KCNMA1: variants seen among roughly 807,000 people sequenced by gnomAD.
KCNMA1 encodes potassium calcium-activated channel subfamily M alpha 1.
A neutral mutation model predicts 140.0 loss-of-function variants in KCNMA1; 29 were observed. That is an observed-to-expected ratio of 0.21 (90% CI 0.15 to 0.28). The LOEUF is 0.28. Ranked by LOEUF, KCNMA1 falls within the 10% of genes least tolerant of loss-of-function variation. The pLI, the probability that KCNMA1 is intolerant of heterozygous loss-of-function variation, is 1.00. For synonymous variants in KCNMA1, 612 were observed against 611.9 expected (o/e 1.00, Z 0.00); for missense variants, 880 against 1,602.2 (o/e 0.55, Z 7.70).
At chr10:77,332,229 C>T (rs941860344) in intron 2 of KCNMA1, among the ~76,000 whole-genome samples, 2 of 151,972 alleles carry the variant, frequency 1.3e-5, no homozygotes, top group African/African-American at 4.8e-5. Flanking sequence ...AGGAGTTGGC[C>T]AGGGGATGAG....
At chr10:77,578,856 C>A (rs566505470) in intron 1 of KCNMA1, among the ~76,000 whole-genome samples, 2 of 152,340 alleles carry the variant, frequency 1.3e-5, no homozygotes, top group East Asian at 3.9e-4. Context: ...GTATCTCCCA[C>A]TGGGATGTGA....
intron 1 of KCNMA1, among the ~76,000 whole-genome samples, chr10:77,538,556 A>G (rs1483724217): frequency 1.3e-5 from 2 of 152,164 alleles, no homozygotes; most frequent in Non-Finnish European, 2.9e-5. Flanking sequence ...GGCCTTGGCA[A>G]GGTCACCTCT....
At chr10:76,954,466 A>C (rs1178027509) in intron 20 of KCNMA1, among the ~76,000 whole-genome samples, 1 of 152,242 alleles carries the variant, frequency 6.6e-6, no homozygotes, top group Non-Finnish European at 1.5e-5. Context: ...AAGCTTTAAC[A>C]GGCTGCACTT....
intron 2 of KCNMA1, among the ~76,000 whole-genome samples, chr10:77,257,712 G>A (rs1402941589): frequency 6.6e-6 from 1 of 152,084 alleles, no homozygotes; most frequent in Non-Finnish European, 1.5e-5. Context: ...ATGGGGGCGG[G>A]TCTTTCCCAT....
intron 15 of KCNMA1, among the ~76,000 whole-genome samples, chr10:77,031,309 C>A (rs1215753016): frequency 1.3e-5 from 2 of 152,202 alleles, no homozygotes; most frequent in African/African-American, 4.8e-5. Context: ...GATAGGGCCA[C>A]ATTGGCACCA....
intron 3 of KCNMA1, among the ~76,000 whole-genome samples, chr10:77,187,504 G>T (rs538116030): frequency 1.3e-5 from 2 of 152,190 alleles, no homozygotes; most frequent in African/African-American, 4.8e-5. Flanking sequence ...ATTTAGAACC[G>T]ATTTCATCAT....
At chr10:77,616,383 C>G (rs2154568866) in intron 1 of KCNMA1, among the ~76,000 whole-genome samples, 1 of 152,336 alleles carries the variant, frequency 6.6e-6, no homozygotes, top group East Asian at 1.9e-4. Flanking sequence ...ATGAAAGTAA[C>G]AGTAATAACT....
chr10:77,525,722 C>T (rs543415213), intron 1 of KCNMA1, among the ~76,000 whole-genome samples: 1 of 152,322 alleles, frequency 6.6e-6, no homozygotes, highest in South Asian at 2.1e-4. Flanking sequence ...ATGCCATGTG[C>T]ACCCCAGTTA....
At chr10:77,313,337 T>A (rs2079854201) in intron 2 of KCNMA1, among the ~76,000 whole-genome samples, 1 of 152,202 alleles carries the variant, frequency 6.6e-6, no homozygotes, top group African/African-American at 2.4e-5. Flanking sequence ...CAACAGTAAT[T>A]AGGGCTCCTG....
chr10:77,039,551 A>G lies in KCNMA1; in HGVS notation c.1836T>C (p.Gly612=). Residue 612 remains glycine, a synonymous_variant, in exon 15 of 28, where the codon GGT becomes GGC. Transcript: ENST00000286628. ...ACTCACAAACAGTAGGGAAGGACAG[A>G]CCCACGAAGGCACTGGAGAGATATT... ...YTEYLSSAFV[G]LSFPTVCELC... The G allele has an allele frequency of 6.2e-7, 1 of 1,608,334 alleles. No homozygotes were observed. The highest frequency in any genetic ancestry group is 8.5e-7 in the Non-Finnish European group (1 of 1,174,682).
intron 2 of KCNMA1, among the ~76,000 whole-genome samples, chr10:77,263,864 T>C (rs1367317270): frequency 6.6e-6 from 1 of 152,188 alleles, no homozygotes; most frequent in African/African-American, 2.4e-5. Flanking sequence ...GATACTAGCA[T>C]GCCTCTTTGT....
intron 2 of KCNMA1, among the ~76,000 whole-genome samples, chr10:77,266,196 A>G (rs1288637434): frequency 2.0e-5 from 3 of 152,192 alleles, no homozygotes; most frequent in Non-Finnish European, 4.4e-5. Flanking sequence ...AAGCATTCAG[A>G]AAGCACCACA....
intron 13 of KCNMA1, 144 bp downstream of exon 13, chr10:77,079,337 G>T: frequency 1.4e-6 from 1 of 697,580 alleles, no homozygotes; most frequent in Non-Finnish European, 2.6e-6. Context: ...CTTTACCCAG[G>T]TCTTTGAGTT....
intron 1 of KCNMA1, among the ~76,000 whole-genome samples, chr10:77,524,983 C>T (rs1485986410): frequency 6.6e-6 from 1 of 152,180 alleles, no homozygotes; most frequent in Admixed American, 6.5e-5. Context: ...CTGCCTGACC[C>T]CCTAACCCAG....
At chr10:77,553,234 C>T (rs950093878) in intron 1 of KCNMA1, among the ~76,000 whole-genome samples, 1 of 151,402 alleles carries the variant, frequency 6.6e-6, no homozygotes, top group African/African-American at 2.4e-5. Context: ...TCTTTTTTTT[C>T]CCCCGTGGGA....
At chr10:77,631,545 G>A (rs113936647) in intron 1 of KCNMA1, among the ~76,000 whole-genome samples, 1,969 of 152,322 alleles carry the variant, frequency 0.013, 19 homozygotes, top group East Asian at 0.031. Flanking sequence ...CTGCCAGTGT[G>A]AGCCGGGACG....
chr10:77,106,996 G>A (rs1474549797), intron 9 of KCNMA1, among the ~76,000 whole-genome samples: 1 of 152,188 alleles, frequency 6.6e-6, no homozygotes, highest in Non-Finnish European at 1.5e-5. Flanking sequence ...GGAAACGGGT[G>A]TCCTGTGGGT....
At chr10:77,608,237 A>G (rs2085281100) in intron 1 of KCNMA1, among the ~76,000 whole-genome samples, 1 of 151,964 alleles carries the variant, frequency 6.6e-6, no homozygotes, top group Non-Finnish European at 1.5e-5. Context: ...CAATGATACA[A>G]TCTTGGTTCA....
At chr10:77,201,407 T>C (rs1406935083) in intron 3 of KCNMA1, among the ~76,000 whole-genome samples, 4 of 152,148 alleles carry the variant, frequency 2.6e-5, no homozygotes, top group Non-Finnish European at 4.4e-5. Flanking sequence ...CCTCTATACA[T>C]GGACTTACGG....
Sources: allele counts gnomAD v4.1 joint callset (sites outside exome capture counted in the v4.1 genomes callset), GRCh38; gene constraint gnomAD v4.1.1; transcripts MANE v1.5; gene names NCBI Gene and HGNC (gene_info 2026-07-23, HGNC 2026-07-21).